The following COL6A5 variants were observed in gnomAD, a reference collection of about 807,000 sequenced individuals.
COL6A5 encodes the protein collagen type VI alpha 5 chain.
COL6A5 carries 48 observed loss-of-function variants against 65.6 expected under a neutral mutation model. The observed-to-expected ratio is 0.73, with a 90% CI of 0.58 to 0.93. The LOEUF is 0.93. Among genes scored for constraint, COL6A5 ranks in the 40% least tolerant of loss-of-function variants. The probability of loss-of-function intolerance (pLI) is 0.00; values close to 1 mark genes in which losing one functional copy is unlikely to be tolerated. For synonymous variants in COL6A5, 291 were observed against 322.8 expected (o/e 0.90, Z 1.05); for missense variants, 914 against 928.3 (o/e 0.98, Z 0.20).
chr3:130,437,157 G>A (rs961691295), intron 1 of COL6A5, among the ~76,000 whole-genome samples: 1 of 151,868 alleles, frequency 6.6e-6, no homozygotes, highest in African/African-American at 2.4e-5. Context: ...TTTAATGTGT[G>A]CGTATATATG....
intron 5 of COL6A5, among the ~76,000 whole-genome samples, chr3:130,461,678 A>G (rs1357729625): frequency 6.6e-6 from 1 of 152,098 alleles, no homozygotes; most frequent in Non-Finnish European, 1.5e-5. Context: ...AATATAAACT[A>G]AATCATGTAA....
At chr3:130,475,972 A>G (rs143215068) in intron 7 of COL6A5, among the ~76,000 whole-genome samples, 30 of 152,238 alleles carry the variant, frequency 2.0e-4, no homozygotes, top group Non-Finnish European at 4.3e-4. Context: ...CTGATTCAGT[A>G]TGCTTTACCA....
intron 1 of COL6A5, among the ~76,000 whole-genome samples, chr3:130,370,705 C>A (rs990011861): frequency 6.6e-6 from 1 of 152,162 alleles, no homozygotes; most frequent in Non-Finnish European, 1.5e-5. Context: ...GTGAGACATA[C>A]TATGTTGGGG....
exon 4 of COL6A5, chr3:130,380,047 A>C: frequency 4.0e-6 from 6 of 1,505,964 alleles, no homozygotes; most frequent in Non-Finnish European, 5.3e-6. Context: ...TCTTGATAAA[A>C]CTGGTATGTT....
chr3:130,371,083 G>A (rs778731116), intron 1 of COL6A5, among the ~76,000 whole-genome samples: 2 of 152,094 alleles, frequency 1.3e-5, no homozygotes, highest in Non-Finnish European at 2.9e-5. Flanking sequence ...GAATTCACGT[G>A]GCTGTACAGA....
At position 130,395,175 on chromosome 3, in the gene COL6A5, A is replaced by G. The variant is rs750186742; in HGVS notation, c.3278A>G (p.Asn1093Ser). ...GACTTTGCCCTTAAAAAAGTGAGCA[A>G]TATGTTTAATCTACATGCTGGTGGG... The change falls in exon 8 of 42, where the codon AAT becomes AGT. Residue 1093 changes from asparagine (N) to serine (S), a missense_variant and NMD_transcript_variant. By Grantham distance (46) the Asn-to-Ser change is conservative. Coordinates refer to the COL6A5 transcript ENST00000312481. 7 of 1,551,684 alleles carry G rather than the reference A, an allele frequency of 4.5e-6. No individual in the cohort carries two copies. In the South Asian group the frequency reaches 5.9e-5, roughly 13 times the overall value.
rs1305978012 is a variant in COL6A5 at position 130,391,774 on chromosome 3, G to T, written c.2992+20G>T. On this transcript the variant is annotated intron_variant and NMD_transcript_variant, in intron 7 of 41. Transcript: ENST00000312481. ...CAGAGGGTAAGTTGTTACTTTTAAA[G>T]TTTCTATGGGGGTAGCAATAAAAGT... 2 of 1,500,934 alleles carry T rather than the reference G, an allele frequency of 1.3e-6. No individual in the cohort carries two copies. The highest frequency in any genetic ancestry group is 1.8e-6 in the Non-Finnish European group (2 of 1,116,498). The allele number at this position is 1,500,934 out of a possible 1,614,324, so 93.0% of individuals were successfully genotyped here.
chr3:130,384,219 A>C (rs1936102654), intron 4 of COL6A5, among the ~76,000 whole-genome samples: 1 of 152,052 alleles, frequency 6.6e-6, no homozygotes, highest in Non-Finnish European at 1.5e-5. Flanking sequence ...AATGAAGCCT[A>C]ATGTGGTTGG....
intron 22 of COL6A5, among the ~76,000 whole-genome samples, chr3:130,415,213 T>G (rs900380684): frequency 1.3e-5 from 2 of 152,148 alleles, no homozygotes; most frequent in African/African-American, 4.8e-5. Flanking sequence ...AAATAGACTT[T>G]GATTCTTCTG....
At chr3:130,348,100 C>T (rs1378829246) in intron 1 of COL6A5, among the ~76,000 whole-genome samples, 1 of 152,232 alleles carries the variant, frequency 6.6e-6, no homozygotes, top group East Asian at 1.9e-4. Context: ...CTCCAAGGAA[C>T]CATTCTTTTT....
chr3:130,377,522 G>A (rs992906451), intron 3 of COL6A5, among the ~76,000 whole-genome samples: 3 of 152,178 alleles, frequency 2.0e-5, no homozygotes, highest in Admixed American at 1.3e-4. Context: ...TTTTCTGTTC[G>A]ACCAGGAAGA....
At chr3:130,433,094 CT>C (rs990669032) in intron 1 of COL6A5, among the ~76,000 whole-genome samples, 13 of 152,126 alleles carry the variant, frequency 8.5e-5, no homozygotes, top group African/African-American at 3.1e-4. Context: ...GAGAATCAAT[CT>C]GTTCCTAACA....
At chr3:130,439,665 T>C (rs1709128212) in intron 2 of COL6A5, 50 bp downstream of exon 34, 2 of 1,215,752 alleles carry the variant, frequency 1.6e-6, no homozygotes, top group South Asian at 1.3e-5. Flanking sequence ...AAATGCCTTC[T>C]AGATGAGTTA....
chr3:130,483,900 T>C, intron 7 of COL6A5, 135 bp from the exon 41 acceptor site: 1 of 671,172 alleles, frequency 1.5e-6, no homozygotes, highest in South Asian at 2.1e-5. Context: ...TGAGCTGGAC[T>C]TCTATTTTGA....
intron 2 of COL6A5, among the ~76,000 whole-genome samples, chr3:130,374,054 A>G (rs1424907774): frequency 6.6e-6 from 1 of 152,204 alleles, no homozygotes; most frequent in Non-Finnish European, 1.5e-5. Flanking sequence ...AACAAATTCT[A>G]AGTATTTTCG....
chr3:130,368,360 G>T (rs1935417862), intron 1 of COL6A5, among the ~76,000 whole-genome samples: 1 of 152,164 alleles, frequency 6.6e-6, no homozygotes, highest in African/African-American at 2.4e-5. Context: ...TTGGATAAAT[G>T]GGGCTTTTAA....
At chr3:130,358,528 GCACT>G (rs1355406529) in intron 1 of COL6A5, among the ~76,000 whole-genome samples, 1 of 152,082 alleles carries the variant, frequency 6.6e-6, no homozygotes, top group Non-Finnish European at 1.5e-5. Context: ...GCAAAGACAA[GCACT>G]CACAGGCAAA....
At chr3:130,367,268 G>A (rs1267475647) in intron 1 of COL6A5, among the ~76,000 whole-genome samples, 1 of 152,202 alleles carries the variant, frequency 6.6e-6, no homozygotes, top group Non-Finnish European at 1.5e-5. Flanking sequence ...AGAAGAACTT[G>A]AGAAACAGTT....
rs140689933 is a variant in COL6A5, at chr3:130,376,864, C to A, written c.667+28C>A. 100 of 1,575,432 alleles carry A rather than the reference C, an allele frequency of 6.3e-5. No individual in the cohort carries two copies. The African/African-American group carries it at 1.3e-3, about 20-fold the overall frequency. ...AAGGAAACCCTTGGTTGAAGAGGTG[C>A]CTGATCCCCAGGTGGGTCTACATCT... On this transcript the variant is annotated intron_variant and NMD_transcript_variant, in intron 3 of 41. Transcript: ENST00000312481.
Sources: gnomAD v4.1 joint callset for allele counts (sites outside exome capture counted in the v4.1 genomes callset) on GRCh38, gnomAD v4.1.1 for gene constraint, MANE v1.5 for transcripts, NCBI Gene and HGNC (gene_info 2026-07-23, HGNC 2026-07-21) for gene names.